F2: variants seen among roughly 807,000 people sequenced by gnomAD.
F2 encodes the protein prothrombin.
In F2, 34 loss-of-function variants were observed where a neutral mutation model predicts 81.9. The ratio of observed to expected loss-of-function variants is 0.42; its 90% CI spans 0.32 to 0.55. The LOEUF (loss-of-function observed/expected upper bound fraction) is 0.55. Among genes scored for constraint, F2 ranks in the 20% least tolerant of loss-of-function variants. The pLI is 0.18. For synonymous variants in F2, 296 were observed against 326.4 expected (o/e 0.91, Z 1.01); for missense variants, 630 against 833.4 (o/e 0.76, Z 3.00).
intron 6 of F2, among the ~76,000 whole-genome samples, chr11:46,724,633 G>A (rs1011983465): frequency 3.9e-5 from 6 of 152,140 alleles, no homozygotes; most frequent in Non-Finnish European, 5.9e-5. Flanking sequence ...ACCTCAGCCT[G>A]TAAAATCACA....
intron 12 of F2, among the ~76,000 whole-genome samples, chr11:46,736,489 G>A (rs2064945099): frequency 6.6e-6 from 1 of 151,972 alleles, no homozygotes; most frequent in Non-Finnish European, 1.5e-5. Context: ...GTAGAGACGG[G>A]GTCTTGCTAT....
In F2 at chr11:46,719,327, T is replaced by C. The variant is rs758400083; in HGVS notation, c.79+13T>C. 1 of 1,610,560 alleles carries C rather than the reference T, an allele frequency of 6.2e-7. No individual in the cohort carries two copies. The highest frequency in any genetic ancestry group is 1.1e-5 in the South Asian group (1 of 90,530). On this transcript the variant is annotated intron_variant, in intron 1 of 13. Transcript: ENST00000311907. The surrounding 1 kb of genome is among the most constrained non-coding windows in gnomAD (Gnocchi z 4.7). ...CACAGCCAGCATGGTAAGGGAGTGC[T>C]TGCAGGCTGGAACAGGCTGGAGGAC... is the stretch of plus-strand genomic sequence containing the variant.
Position 46,726,346 on chromosome 11 carries a change from C to A in F2, c.875-152C>A. The A allele has an allele frequency of 6.9e-7, 1 of 1,455,630 alleles. No homozygotes were observed. The highest frequency in any genetic ancestry group is 9.4e-7 in the Non-Finnish European group (1 of 1,068,602). 90.2% of individuals were successfully genotyped at this position (1,455,630 alleles called of 1,614,324 possible). A position where few individuals can be genotyped will look rare whatever the true frequency, so the allele number is the denominator to read the frequency against. ...ATTTCACAGATAAGTACACTGAGGC[C>A]CCAGGAGGTTATTGCCTAGTAGCCC... On this transcript the variant is annotated intron_variant, in intron 7 of 13. Coordinates refer to ENST00000311907, the MANE Select transcript of F2 (RefSeq NM_000506.5). This position sits in a 1 kb window ranked among gnomAD's most constrained non-coding sequence, Gnocchi z 5.9.
In F2 at chr11:46,725,948, C is replaced by A; in HGVS notation, c.649C>A (p.Arg217=). The change falls in exon 7 of 14, where the codon CGG becomes AGG. Residue 217 remains arginine, a synonymous_variant. Coordinates refer to ENST00000311907, the MANE Select transcript of F2 (RefSeq NM_000506.5). ...TCCATTGGAGCAGTGTGTCCCTGAT[C>A]GGGGGCAGCAGTACCAGGGGCGCCT... ...SPPLEQCVPD[R]GQQYQGRLAV... is the part of the protein sequence containing the mutation. 2 of 1,613,950 alleles carry A rather than the reference C, an allele frequency of 1.2e-6. No individual in the cohort carries two copies. The highest frequency in any genetic ancestry group is 8.5e-7 in the Non-Finnish European group (1 of 1,180,024).
At chr11:46,721,322 G>A (rs1056628709) in intron 4 of F2, among the ~76,000 whole-genome samples, 3 of 152,156 alleles carry the variant, frequency 2.0e-5, no homozygotes, top group Admixed American at 6.5e-5. Flanking sequence ...TTATAGAAGT[G>A]AGCCACCGCG....
At chr11:46,739,176 C>A (rs2064962311) in intron 13 of F2, 58 bp downstream of exon 13, 1 of 1,613,334 alleles carries the variant, frequency 6.2e-7, no homozygotes, top group African/African-American at 1.3e-5. Context: ...TGGGGAGAAA[C>A]TCTAGTATCT....
chr11:46,720,341 C>G, intron 2 of F2, 182 bp from the exon 3 acceptor site: 1 of 695,688 alleles, frequency 1.4e-6, no homozygotes, highest in Non-Finnish European at 2.5e-6. Flanking sequence ...GGAGGAACTC[C>G]CCTATCCTCA....
chr11:46,723,661 C>CAGGCAGATCACCTGAGGT lies in F2; in HGVS notation c.559+144_559+161dup. The CAGGCAGATCACCTGAGGT allele has an allele frequency of 9.2e-7, 1 of 1,082,302 alleles. No individual in the cohort carries two copies. Among genetic ancestry groups the CAGGCAGATCACCTGAGGT allele is most frequent in the Non-Finnish European group, 1.3e-6 (1 of 754,960 alleles). 67.0% of individuals were successfully genotyped at this position (1,082,302 alleles called of 1,614,324 possible). A position where few individuals can be genotyped will look rare whatever the true frequency, so the allele number is the denominator to read the frequency against. On this transcript the variant is annotated intron_variant, in intron 6 of 13. Coordinates refer to ENST00000311907, the MANE Select transcript of F2 (RefSeq NM_000506.5). The surrounding 1 kb of genome is among the most constrained non-coding windows in gnomAD (Gnocchi z 5.6). ...ATCCCAGCACTTTGGGAGGCTGAGG[C>CAGGCAGATCACCTGAGGT]AGGCAGATCACCTGAGGTCAGGGGT...
chr11:46,723,344 A>G lies in F2; in HGVS notation c.423-38A>G. On this transcript the variant is annotated intron_variant, in intron 5 of 13. Transcript: ENST00000311907. This position sits in a 1 kb window ranked among gnomAD's most constrained non-coding sequence, Gnocchi z 5.6. The stretch of plus-strand genomic sequence containing the variant: ...GAGAACAGGGAGCAAGCGTACCTCA[A>G]GCCCAACAGCCTCCTGTTGGGCAAT... 10 of 1,613,552 alleles carry G rather than the reference A, an allele frequency of 6.2e-6. No individual in the cohort carries two copies. The highest frequency in any genetic ancestry group is 1.1e-5 in the South Asian group (1 of 91,070).
rs1230303967 is a variant in F2, at chr11:46,723,183, A to G, written c.320A>G (p.Asn107Ser). 3.1e-6 allele frequency: 5 copies of G among 1,613,712 alleles called. No individual in the cohort carries two copies. Among genetic ancestry groups the G allele is most frequent in the Non-Finnish European group, 4.2e-6 (5 of 1,179,966 alleles). ...RDKLAACLEGNCAEGLGTNYR... is the reference protein window; with the variant it reads ...RDKLAACLEGSCAEGLGTNYR... ...GACCGGGGTGGGGTCTCCGCAGGTA[A>G]CTGTGCTGAGGGTCTGGGTACGAAC... is the stretch of plus-strand genomic sequence containing the variant. The change falls in exon 5 of 14, where the codon AAC becomes AGC. Residue 107 changes from asparagine to serine, a missense_variant. Physicochemically the swap from Asn to Ser is conservative, Grantham distance 46 (BLOSUM62 1). Coordinates refer to ENST00000311907, the MANE Select transcript of F2 (RefSeq NM_000506.5). This position sits in a 1 kb window ranked among gnomAD's most constrained non-coding sequence, Gnocchi z 5.6.
chr11:46,722,527 G>A (rs2064843426), intron 4 of F2, among the ~76,000 whole-genome samples: 1 of 152,222 alleles, frequency 6.6e-6, no homozygotes, highest in African/African-American at 2.4e-5. Context: ...GGCAGAGGTT[G>A]CAGTGAGCTG....
At chr11:46,725,713 A>G in intron 6 of F2, 146 bp from the exon 7 acceptor site, 1 of 913,512 alleles carries the variant, frequency 1.1e-6, no homozygotes, top group Non-Finnish European at 1.8e-6. Context: ...AACCCCTTTA[A>G]AGGCAAACGG....
chr11:46,735,467 T>A (rs537451538), intron 12 of F2, among the ~76,000 whole-genome samples: 21 of 151,158 alleles, frequency 1.4e-4, no homozygotes, highest in Admixed American at 1.3e-3. Context: ...GAAAATATTT[T>A]AAAAATTAGC....
Position 46,720,386 on chromosome 11 carries a change from A to T in F2, c.241-137A>T, listed in dbSNP as rs528643288. 1.5e-4 allele frequency: 142 copies of T among 929,428 alleles called. No individual in the cohort carries two copies. In the Admixed American group the frequency reaches 1.6e-3, roughly 10 times the overall value. The allele number at this position is 929,428 out of a possible 1,614,324, so 57.6% of individuals were successfully genotyped here. ...CTCCTTTTGGAAACAAAAGTAGGAA[A>T]CTCTGCCACAAACCTCCCCAGAGCC... On this transcript the variant is annotated intron_variant, in intron 2 of 13. Coordinates refer to ENST00000311907, the MANE Select transcript of F2 (RefSeq NM_000506.5).
Position 46,719,571 on chromosome 11 carries a change from GC to G in F2, c.80-130del. On this transcript the variant is annotated intron_variant, in intron 1 of 13. Transcript: ENST00000311907. This position sits in a 1 kb window ranked among gnomAD's most constrained non-coding sequence, Gnocchi z 4.7. The stretch of plus-strand genomic sequence containing the variant: ...GGGGCCACATTTAGCAGCCTTCCAG[GC>G]ACTTCCACCAGCCCAGACAGCCTCT... 1 of 1,260,170 alleles carries G rather than the reference GC, an allele frequency of 7.9e-7. No individual in the cohort carries two copies. Among genetic ancestry groups the G allele is most frequent in the Middle Eastern group, 2.6e-4 (1 of 3,836 alleles). 78.1% of individuals were successfully genotyped at this position (1,260,170 alleles called of 1,614,324 possible).
chr11:46,737,680 C>T (rs1279200855), intron 12 of F2, among the ~76,000 whole-genome samples: 3 of 151,954 alleles, frequency 2.0e-5, no homozygotes, highest in African/African-American at 7.3e-5. Flanking sequence ...CCTTGTGATC[C>T]GCCTGCCTCA....
At chr11:46,733,649 A>G (rs2064926778) in intron 12 of F2, among the ~76,000 whole-genome samples, 1 of 152,102 alleles carries the variant, frequency 6.6e-6, no homozygotes, top group Admixed American at 6.6e-5. Flanking sequence ...TTTCCCCACA[A>G]CCTTGCCAAA....
At position 46,723,684 on chromosome 11, in the gene F2, G is replaced by A. The variant is rs915082323; in HGVS notation, c.559+166G>A. ...GGCAGGCAGATCACCTGAGGTCAGG[G>A]GTTTGAGACCAGCTGGGCCAACATG... On this transcript the variant is annotated intron_variant, in intron 6 of 13. Transcript: ENST00000311907. This position sits in a 1 kb window ranked among gnomAD's most constrained non-coding sequence, Gnocchi z 5.6. 2.0e-5 allele frequency among the ~76,000 whole-genome samples: 3 copies of A among 152,244 alleles called. No homozygotes were observed. The highest frequency in any genetic ancestry group is 1.3e-4 in the Admixed American group (2 of 15,288).
chr11:46,731,435 C>T (rs1269589130), intron 12 of F2, among the ~76,000 whole-genome samples: 2 of 152,210 alleles, frequency 1.3e-5, no homozygotes, highest in East Asian at 3.9e-4. Context: ...CCCACCTCGG[C>T]TTCCCAAAGT....
Sources: gnomAD v4.1 joint callset for allele counts (sites outside exome capture counted in the v4.1 genomes callset) on GRCh38, gnomAD v4.1.1 for gene constraint, Gnocchi (gnomAD v3.1) non-coding constraint, MANE v1.5 for transcripts, NCBI Gene and HGNC (gene_info 2026-07-23, HGNC 2026-07-21) for gene names.